The following PTPRD variants were observed in gnomAD, a reference collection of about 807,000 sequenced individuals.
PTPRD encodes the protein protein tyrosine phosphatase receptor type D, also known as receptor-type tyrosine-protein phosphatase delta.
Under a neutral mutation model 214.5 loss-of-function variants are expected in PTPRD, and 34 were observed. The observed-to-expected ratio is 0.16, with a 90% CI of 0.12 to 0.21. The LOEUF (loss-of-function observed/expected upper bound fraction) is 0.21, where lower values mean the gene tolerates loss of function less well. PTPRD is among the 10% of genes least tolerant of loss of function. The pLI is 1.00. For synonymous variants in PTPRD, 1,128 were observed against 845.7 expected (o/e 1.33, Z -5.79); for missense variants, 2,545 against 2,398.7 (o/e 1.06, Z -1.27).
At chr9:8,358,060 CTGGCATCGTTT>C (rs2077421582) in intron 39 of PTPRD, among the ~76,000 whole-genome samples, 1 of 152,178 alleles carries the variant, frequency 6.6e-6, no homozygotes, top group African/African-American at 2.4e-5. Flanking sequence ...GGTATGACTC[CTGGCATCGTTT>C]TGGATTGTGA....
intron 2 of PTPRD, among the ~76,000 whole-genome samples, chr9:10,446,894 T>G (rs1430162984): frequency 6.6e-6 from 1 of 152,192 alleles, no homozygotes; most frequent in Non-Finnish European, 1.5e-5. Flanking sequence ...TGCCCATGCT[T>G]ATATACCTCC....
At chr9:8,376,478 T>A in intron 38 of PTPRD, 129 bp downstream of exon 38, 4 of 1,324,222 alleles carry the variant, frequency 3.0e-6, no homozygotes, top group Non-Finnish European at 4.2e-6. Context: ...ATGGAAGATC[T>A]ATTTCATTCT....
chr9:8,364,493 C>A (rs541595700), intron 39 of PTPRD, among the ~76,000 whole-genome samples: 68 of 152,314 alleles, frequency 4.5e-4, no homozygotes, highest in African/African-American at 1.4e-3. Flanking sequence ...TGATGGGCCT[C>A]CCAAGCATAT....
intron 5 of PTPRD, among the ~76,000 whole-genome samples, chr9:9,880,100 C>T (rs1410965301): frequency 1.3e-5 from 2 of 152,064 alleles, no homozygotes; most frequent in Non-Finnish European, 2.9e-5. Context: ...ATCATGGGGG[C>T]AGTTCCCTGA....
At chr9:8,915,117 C>G (rs575356480) in intron 11 of PTPRD, among the ~76,000 whole-genome samples, 1 of 152,078 alleles carries the variant, frequency 6.6e-6, no homozygotes, top group Non-Finnish European at 1.5e-5. Context: ...ATACACAAAA[C>G]TATCCAGAGT....
intron 3 of PTPRD, among the ~76,000 whole-genome samples, chr9:10,274,355 A>C (rs781124388): frequency 3.3e-5 from 5 of 152,190 alleles, no homozygotes; most frequent in Non-Finnish European, 5.9e-5. Context: ...TGGCAGTTGG[A>C]CACTAACCAG....
At chr9:9,055,692 T>C (rs2099694908) in intron 10 of PTPRD, among the ~76,000 whole-genome samples, 1 of 151,686 alleles carries the variant, frequency 6.6e-6, no homozygotes, top group Non-Finnish European at 1.5e-5. Context: ...TGTGAGAAAT[T>C]TGTGCATATG....
chr9:9,415,325 T>A (rs2076679046), intron 8 of PTPRD, among the ~76,000 whole-genome samples: 1 of 151,844 alleles, frequency 6.6e-6, no homozygotes, highest in Admixed American at 6.6e-5. Context: ...AATACAAAAA[T>A]TAGCCAGGTG....
chr9:8,631,427 G>T (rs1214527377), intron 14 of PTPRD, among the ~76,000 whole-genome samples: 1 of 151,736 alleles, frequency 6.6e-6, no homozygotes, highest in Non-Finnish European at 1.5e-5. Flanking sequence ...TGACTTGATT[G>T]CTTTAGAACT....
chr9:9,940,117 T>C (rs944434617), intron 4 of PTPRD, among the ~76,000 whole-genome samples: 1 of 152,006 alleles, frequency 6.6e-6, no homozygotes, highest in Non-Finnish European at 1.5e-5. Context: ...TATGATGGAG[T>C]TGATACCATC....
At chr9:8,346,366 CTT>C (rs1554749135) in intron 39 of PTPRD, among the ~76,000 whole-genome samples, 1 of 152,056 alleles carries the variant, frequency 6.6e-6, no homozygotes, top group Non-Finnish European at 1.5e-5. Flanking sequence ...ATTTTATGCT[CTT>C]GAGGTGAAAA....
At chr9:8,337,162 G>C (rs1221602683) in intron 43 of PTPRD, among the ~76,000 whole-genome samples, 1 of 152,030 alleles carries the variant, frequency 6.6e-6, no homozygotes, top group Non-Finnish European at 1.5e-5. Flanking sequence ...TGTTTATTGT[G>C]GCACTATTCA....
rs1005695122 is a variant in PTPRD, at chr9:10,195,298, C to T, written c.-545+145665G>A. On this transcript the variant is annotated intron_variant, in intron 3 of 45. Coordinates refer to ENST00000381196, the MANE Select transcript of PTPRD (RefSeq NM_002839.4). ...TGGAAAAGGAAGGTAATGATTGAGC[C>T]TACATATTTAGAGACTGCAGTTAGT... Among the ~76,000 whole-genome samples the T allele has an allele frequency of 2.6e-5, 4 of 152,056 alleles. No homozygotes were observed. In the East Asian group the frequency reaches 5.8e-4, roughly 22 times the overall value.
At chr9:10,453,361 T>C (rs2098864244) in intron 2 of PTPRD, among the ~76,000 whole-genome samples, 1 of 151,700 alleles carries the variant, frequency 6.6e-6, no homozygotes, top group African/African-American at 2.4e-5. Context: ...ACTTAAGAAG[T>C]TTGGTAGATA....
chr9:9,196,768 A>G (rs1314559769), intron 9 of PTPRD, among the ~76,000 whole-genome samples: 1 of 152,132 alleles, frequency 6.6e-6, no homozygotes, highest in East Asian at 1.9e-4. Flanking sequence ...TCCTTACCAT[A>G]ATCTTTATGT....
At chr9:8,949,998 G>C (rs1372321591) in intron 11 of PTPRD, among the ~76,000 whole-genome samples, 4 of 152,120 alleles carry the variant, frequency 2.6e-5, no homozygotes, top group African/African-American at 9.7e-5. Context: ...TATCATGTTT[G>C]AAATATTGTG....
intron 8 of PTPRD, among the ~76,000 whole-genome samples, chr9:9,450,447 A>G (rs150663241): frequency 3.0e-4 from 45 of 151,908 alleles, no homozygotes; most frequent in South Asian, 1.2e-3. Context: ...TGACTTTTTA[A>G]TTAAGGCCAT....
At chr9:10,367,339 T>A (rs987081127) in intron 2 of PTPRD, among the ~76,000 whole-genome samples, 15 of 152,226 alleles carry the variant, frequency 9.9e-5, no homozygotes, top group Non-Finnish European at 1.3e-4. Flanking sequence ...GCTCAAGTCA[T>A]CTTGACCTTT....
At chr9:9,852,822 C>T (rs536405476) in intron 5 of PTPRD, among the ~76,000 whole-genome samples, 71 of 152,238 alleles carry the variant, frequency 4.7e-4, no homozygotes, top group African/African-American at 1.6e-3. Context: ...TATTACAAAA[C>T]TCCAGGGAAG....
Sources: allele counts gnomAD v4.1 joint callset (sites outside exome capture counted in the v4.1 genomes callset), GRCh38; gene constraint gnomAD v4.1.1; transcripts MANE v1.5; gene names NCBI Gene and HGNC (gene_info 2026-07-23, HGNC 2026-07-21).